SLC22A9: variants seen among roughly 807,000 people sequenced by gnomAD.
The protein encoded by SLC22A9 is solute carrier family 22 member 9, also known as organic anion transporter 7.
SLC22A9 carries 64 observed loss-of-function variants against 50.1 expected under a neutral mutation model. That is an observed-to-expected ratio of 1.28 (90% confidence interval 1.04 to 1.57). The LOEUF (loss-of-function observed/expected upper bound fraction) is 1.57. Among genes scored for constraint, SLC22A9 ranks in the 40% most tolerant of loss-of-function variants. The pLI is 0.00. For missense variants in SLC22A9, 757 were observed against 676.1 expected (o/e 1.12, Z -1.33); for synonymous variants, 261 against 242.5 (o/e 1.08, Z -0.71).
At chr11:63,374,468 CA>C (rs1174043361) in intron 4 of SLC22A9, among the ~76,000 whole-genome samples, 2 of 151,988 alleles carry the variant, frequency 1.3e-5, no homozygotes, top group African/African-American at 4.8e-5. Flanking sequence ...CAAAATATTG[CA>C]TGAGACATGC....
At chr11:63,408,920 C>T (rs962570752) in intron 9 of SLC22A9, 41 bp downstream of exon 9, 5 of 1,601,720 alleles carry the variant, frequency 3.1e-6, no homozygotes, top group African/African-American at 2.7e-5. Flanking sequence ...GATCTGTGTG[C>T]TATAGGTCTG....
At chr11:63,393,760 T>C (rs915330824) in intron 6 of SLC22A9, among the ~76,000 whole-genome samples, 1 of 152,148 alleles carries the variant, frequency 6.6e-6, no homozygotes, top group African/African-American at 2.4e-5. Flanking sequence ...TTGGTGAATA[T>C]GATGATTATG....
At chr11:63,373,421 T>C (rs546903948) in intron 2 of SLC22A9, among the ~76,000 whole-genome samples, 1 of 152,292 alleles carries the variant, frequency 6.6e-6, no homozygotes, top group East Asian at 1.9e-4. Context: ...GTCAAAAATA[T>C]ACTGCTAAGA....
At chr11:63,406,946 A>G (rs1283853061) in intron 7 of SLC22A9, among the ~76,000 whole-genome samples, 2 of 152,200 alleles carry the variant, frequency 1.3e-5, no homozygotes. Flanking sequence ...AACAAATACT[A>G]AGAAACTGAA....
chr11:63,398,833 T>G (rs2014905551), intron 6 of SLC22A9, among the ~76,000 whole-genome samples: 1 of 152,240 alleles, frequency 6.6e-6, no homozygotes, highest in Non-Finnish European at 1.5e-5. Flanking sequence ...GCCTTTTGTG[T>G]GTCGATAATT....
chr11:63,404,103 C>T (rs1747574301), intron 6 of SLC22A9, among the ~76,000 whole-genome samples: 1 of 152,024 alleles, frequency 6.6e-6, no homozygotes, highest in Non-Finnish European at 1.5e-5. Context: ...CTTAACTATT[C>T]ATTTACATAT....
intron 6 of SLC22A9, among the ~76,000 whole-genome samples, chr11:63,388,394 A>G (rs1483209448): frequency 6.6e-6 from 1 of 151,502 alleles, no homozygotes; most frequent in Non-Finnish European, 1.5e-5. Flanking sequence ...TGGATGTTGA[A>G]GTTTATCATA....
In SLC22A9 at chr11:63,375,746, C is replaced by A. The variant is rs752669455; in HGVS notation, c.932C>A (p.Ala311Asp). Residue 311 changes from alanine (A) to aspartate (D), a missense_variant, in exon 5 of 10, where the codon GCC (alanine) becomes GAC (aspartate). Ala to Asp is a moderately radical substitution (Grantham distance 126). Transcript: ENST00000279178. Reference sequence around the variant, plus strand: ...GCACACAGGAGTGGAATGAAGAATGCCAGAGACACCCTAACCCTGGAGGTG... The same window carrying A: ...GCACACAGGAGTGGAATGAAGAATGACAGAGACACCCTAACCCTGGAGGTG... ...KAAHRSGMKN[A>D]RDTLTLEILK... is the part of the protein sequence containing the mutation. The A allele has an allele frequency of 6.2e-7, 1 of 1,611,940 alleles. No individual in the cohort carries two copies. The highest frequency in any genetic ancestry group is 1.3e-5 in the African/African-American group (1 of 74,760).
intron 6 of SLC22A9, among the ~76,000 whole-genome samples, chr11:63,401,387 C>G (rs1021349800): frequency 2.0e-5 from 3 of 151,932 alleles, no homozygotes; most frequent in Non-Finnish European, 2.9e-5. Flanking sequence ...ATTAAGAAAG[C>G]AATCTCATTT....
At chr11:63,371,006 C>A in intron 1 of SLC22A9, 129 bp from the exon 2 acceptor site, 1 of 625,578 alleles carries the variant, frequency 1.6e-6, no homozygotes, top group Non-Finnish European at 2.8e-6. Context: ...TCAGGTAATG[C>A]TGAGAAAGGA....
chr11:63,404,420 G>C (rs2015003146), intron 6 of SLC22A9, among the ~76,000 whole-genome samples: 3 of 152,118 alleles, frequency 2.0e-5, no homozygotes. Flanking sequence ...AGTAAATACT[G>C]TACTGTATCT....
At position 63,390,606 on chromosome 11, in the gene SLC22A9, C is replaced by T. The variant is rs543009904; in HGVS notation, c.1073+8329C>T. On this transcript the variant is annotated intron_variant, in intron 6 of 9. Coordinates refer to ENST00000279178, the MANE Select transcript of SLC22A9 (RefSeq NM_080866.3). ...TTAAGTTACTGTAACTTTTGGTTAT[C>T]GTCTGAAGCCAGGTAGCATGATGTC... 7.9e-5 allele frequency among the ~76,000 whole-genome samples: 12 copies of T among 151,688 alleles called. No homozygotes were observed. The South Asian group carries it at 1.9e-3, about 24-fold the overall frequency.
chr11:63,404,846 T>C (rs139469738), intron 6 of SLC22A9, among the ~76,000 whole-genome samples: 2 of 152,222 alleles, frequency 1.3e-5, no homozygotes, highest in East Asian at 3.9e-4. Context: ...CTCACTGCAG[T>C]CCTAGGGAAA....
chr11:63,374,208 G>A, intron 4 of SLC22A9, 146 bp downstream of exon 4: 2 of 669,308 alleles, frequency 3.0e-6, no homozygotes, highest in Non-Finnish European at 4.5e-6. Flanking sequence ...AATACAAGAA[G>A]CAGAACACAT....
At chr11:63,388,485 G>A (rs1349032511) in intron 6 of SLC22A9, among the ~76,000 whole-genome samples, 1 of 151,842 alleles carries the variant, frequency 6.6e-6, no homozygotes, top group Non-Finnish European at 1.5e-5. Context: ...TAACCAATAT[G>A]CATATGTTTG....
At position 63,371,126 on chromosome 11, in the gene SLC22A9, C is replaced by T. The variant is rs781739372; in HGVS notation, c.403-9C>T. 1 of 1,604,350 alleles carries T rather than the reference C, an allele frequency of 6.2e-7. No homozygotes were observed. Among genetic ancestry groups the T allele is most frequent in the Non-Finnish European group, 8.5e-7 (1 of 1,171,658 alleles). On this transcript the variant is annotated splice_polypyrimidine_tract_variant and intron_variant, in intron 1 of 9. Coordinates refer to ENST00000279178, the MANE Select transcript of SLC22A9 (RefSeq NM_080866.3). ...TAAGCATTGATGTGCTGGCTTCCTT[C>T]TCTTCCAGTGGGATCTGGTATGTGA...
In SLC22A9 at chr11:63,409,904, G is replaced by C; in HGVS notation, c.*42G>C. On this transcript the variant is annotated 3_prime_UTR_variant, in exon 10 of 10. Coordinates refer to ENST00000279178, the MANE Select transcript of SLC22A9 (RefSeq NM_080866.3). ...ACTGCCGATCAATGAGCCAGATGAA[G>C]GGAACAATCAGGACTATTCCTAGAC... The C allele has an allele frequency of 6.2e-7, 1 of 1,605,216 alleles. No individual in the cohort carries two copies. The highest frequency in any genetic ancestry group is 1.1e-5 in the South Asian group (1 of 90,844).
chr11:63,401,373 G>T (rs1388125797), intron 6 of SLC22A9, among the ~76,000 whole-genome samples: 1 of 151,878 alleles, frequency 6.6e-6, no homozygotes, highest in Non-Finnish European at 1.5e-5. Flanking sequence ...AATCTGAAAA[G>T]GAAATTAAGA....
intron 5 of SLC22A9, 124 bp downstream of exon 5, chr11:63,375,892 C>A: frequency 8.2e-7 from 1 of 1,216,550 alleles, no homozygotes; most frequent in Non-Finnish European, 1.1e-6. Flanking sequence ...TGGGCTGTAT[C>A]ACCTCACTAT....
Sources: gnomAD v4.1 joint callset for allele counts (sites outside exome capture counted in the v4.1 genomes callset) on GRCh38, gnomAD v4.1.1 for gene constraint, MANE v1.5 for transcripts, NCBI Gene and HGNC (gene_info 2026-07-23, HGNC 2026-07-21) for gene names.